IFT27: variants seen among roughly 807,000 people sequenced by gnomAD.
IFT27 encodes intraflagellar transport 27.
In IFT27, 19 loss-of-function variants were observed where a neutral mutation model predicts 23.9. That is an observed-to-expected ratio of 0.79 (90% confidence interval 0.55 to 1.16). IFT27 has a LOEUF of 1.16. Among genes scored for constraint, IFT27 ranks in the 50% most tolerant of loss-of-function variants. IFT27 has a pLI of 0.00. For synonymous variants in IFT27, 91 were observed against 89.1 expected, an observed-to-expected ratio of 1.02 and a Z score of -0.12; for missense variants, 206 against 228.7, an observed-to-expected ratio of 0.90 and a Z score of 0.64.
intron 1 of IFT27, 27 bp downstream of exon 1, chr22:36,775,647 T>C (rs1313852232): frequency 1.2e-5 from 19 of 1,613,526 alleles, no homozygotes; most frequent in Non-Finnish European, 1.5e-5. Flanking sequence ...GAGACCACCG[T>C]ATTCAAGCGC....
intron 1 of IFT27, 24 bp downstream of exon 1, chr22:36,775,650 T>G: frequency 6.2e-7 from 1 of 1,613,910 alleles, no homozygotes; most frequent in South Asian, 1.1e-5. Flanking sequence ...ACCACCGTAT[T>G]CAAGCGCAAG....
chr22:36,768,242 T>C, intron 1 of IFT27: 1 of 377,132 alleles, frequency 2.7e-6, no homozygotes, highest in Non-Finnish European at 5.3e-6. Context: ...GGTAAAGAAG[T>C]GTGACTGGCA....
intron 1 of IFT27, among the ~76,000 whole-genome samples, chr22:36,768,815 C>A (rs1938325740): frequency 6.6e-6 from 1 of 152,204 alleles, no homozygotes; most frequent in African/African-American, 2.4e-5. Context: ...CTGAGTCTTA[C>A]GTGGACTTGC....
chr22:36,760,564 T>TGTTCTGCAGAGTCCCACAGCG (rs1328663876), intron 6 of IFT27: 1 of 152,200 alleles, frequency 6.6e-6, no homozygotes, highest in Admixed American at 6.5e-5. Flanking sequence ...CCTTGAATTG[T>TGTTCTGCAGAGTCCCACAGCG]GTTCTGCAGA....
At chr22:36,766,928 C>CTTTTTTTTTT in intron 3 of IFT27, 1 of 149,442 alleles carries the variant, frequency 6.7e-6, no homozygotes, top group Non-Finnish European at 1.5e-5. Flanking sequence ...AGTACTTATA[C>CTTTTTTTTTT]TTTTTTTTTT....
chr22:36,763,193 C>G (rs1938144917), intron 5 of IFT27, 180 bp from the exon 6 acceptor site: 1 of 450,766 alleles, frequency 2.2e-6, no homozygotes, highest in East Asian at 3.4e-5. Flanking sequence ...CCAAGGGCCA[C>G]AGAGAGACAG....
rs750761644 is a variant in IFT27, at chr22:36,758,375, C to T, written c.497G>A (p.Cys166Tyr). Reference protein sequence around the residue: ...EMENFEAPFHCLAKQFHQLYR... With the variant: ...EMENFEAPFHYLAKQFHQLYR... ...CAGCTGGTGGAACTGCTTGGCAAGG[C>T]AGTGGAAAGGGGCTTCGAAGTTTTC... Residue 166 changes from cysteine to tyrosine, a missense_variant, in exon 7 of 7, where the codon TGC becomes TAC. Coordinates refer to ENST00000433985, the MANE Select transcript of IFT27 (RefSeq NM_001177701.3). 1 of 1,614,140 alleles carries T rather than the reference C, an allele frequency of 6.2e-7. No homozygotes were observed. Among genetic ancestry groups the T allele is most frequent in the East Asian group, 2.2e-5 (1 of 44,884 alleles).
intron 1 of IFT27, among the ~76,000 whole-genome samples, chr22:36,770,122 G>C (rs1450377646): frequency 1.3e-5 from 2 of 152,220 alleles, no homozygotes; most frequent in African/African-American, 4.8e-5. Context: ...CTAGGGGCAA[G>C]GGCTGGGCCT....
chr22:36,770,437 C>T (rs535354462), intron 1 of IFT27, among the ~76,000 whole-genome samples: 1 of 152,174 alleles, frequency 6.6e-6, no homozygotes, highest in African/African-American at 2.4e-5. Flanking sequence ...TAGTCCACTC[C>T]GTCCCACTGA....
chr22:36,763,520 C>A (rs1938153644), intron 5 of IFT27: 1 of 343,604 alleles, frequency 2.9e-6, no homozygotes, highest in Non-Finnish European at 5.6e-6. Context: ...GTTGATCTCA[C>A]ATAGGGACGA....
chr22:36,775,131 C>CA (rs1314573499), intron 1 of IFT27, among the ~76,000 whole-genome samples: 1 of 152,042 alleles, frequency 6.6e-6, no homozygotes, highest in African/African-American at 2.4e-5. Context: ...TTGGGAGACT[C>CA]AACATTTATG....
chr22:36,774,928 TG>T, intron 1 of IFT27, among the ~76,000 whole-genome samples: 1 of 152,252 alleles, frequency 6.6e-6, no homozygotes, highest in African/African-American at 2.4e-5. Context: ...CATGCATATG[TG>T]TTTCGCAGTC....
At chr22:36,769,421 C>G (rs1938342971) in intron 1 of IFT27, among the ~76,000 whole-genome samples, 1 of 152,202 alleles carries the variant, frequency 6.6e-6, no homozygotes, top group South Asian at 2.1e-4. Flanking sequence ...GTGGTGCGAT[C>G]TAGGCTCGCT....
At chr22:36,768,834 G>A (rs1216873915) in intron 1 of IFT27, among the ~76,000 whole-genome samples, 2 of 152,086 alleles carry the variant, frequency 1.3e-5, no homozygotes, top group South Asian at 2.1e-4. Flanking sequence ...GCACTCCACC[G>A]TCCAGGTCCT....
chr22:36,764,295 G>C (rs960016779), intron 4 of IFT27, among the ~76,000 whole-genome samples: 1 of 152,282 alleles, frequency 6.6e-6, no homozygotes, highest in African/African-American at 2.4e-5. Context: ...GGGCACTTCC[G>C]TGCCTCACTG....
intron 1 of IFT27, among the ~76,000 whole-genome samples, chr22:36,771,909 A>G (rs549198283): frequency 1.2e-4 from 19 of 152,036 alleles, no homozygotes; most frequent in Non-Finnish European, 1.8e-4. Context: ...GGATTCCTTC[A>G]TAGCCTACCC....
intron 5 of IFT27, 95 bp downstream of exon 5, chr22:36,763,824 C>A: frequency 1.1e-6 from 1 of 919,254 alleles, no homozygotes; most frequent in Non-Finnish European, 1.8e-6. Context: ...GCCCAGGGCC[C>A]CTTCTCCACC....
rs754110624 is a variant in IFT27, at chr22:36,758,314, T to C, written c.558A>G (p.Ala186=). 6.2e-7 allele frequency: 1 copy of C among 1,613,572 alleles called. No individual in the cohort carries two copies. Among genetic ancestry groups the C allele is most frequent in the Non-Finnish European group, 8.5e-7 (1 of 1,179,436 alleles). ...CAGCACGATCTGCTCCAGCTCGTCA[T>C]GCCAGGGCCCGGAAAACCTCCACCT... ...REKVEVFRAL[A] is the part of the protein sequence containing the mutation. The change falls in exon 7 of 7, where the codon GCA becomes GCG. Residue 186 remains alanine (A), a synonymous_variant. Transcript: ENST00000433985.
At chr22:36,763,787 T>C (rs778582013) in intron 5 of IFT27, 132 bp downstream of exon 5, 1 of 737,042 alleles carries the variant, frequency 1.4e-6, no homozygotes, top group East Asian at 2.7e-5. Flanking sequence ...GCAGGGCCAG[T>C]GTACGCCTTA....
Sources: gnomAD v4.1 joint callset for allele counts (sites outside exome capture counted in the v4.1 genomes callset) on GRCh38, gnomAD v4.1.1 for gene constraint, MANE v1.5 for transcripts, NCBI Gene and HGNC (gene_info 2026-07-23, HGNC 2026-07-21) for gene names.